Variants in ZNF169 observed in about 807,000 individuals in gnomAD.
ZNF169 encodes the protein zinc finger protein 169.
A neutral mutation model predicts 12.0 loss-of-function variants in ZNF169; 11 were observed. That is an observed-to-expected ratio of 0.92 (90% CI 0.58 to 1.52). ZNF169 has a LOEUF of 1.52. Among genes scored for constraint, ZNF169 ranks in the 40% most tolerant of loss-of-function variants. The pLI is 0.00. For synonymous variants in ZNF169, 302 were observed against 286.5 expected (o/e 1.05, Z -0.55); for missense variants, 722 against 744.0 (o/e 0.97, Z 0.34).
In ZNF169 at chr9:94,301,353, C is replaced by T; in HGVS notation, c.1795C>T (p.Pro599Ser). Residue 599 changes from proline to serine, a missense_variant, in exon 5 of 5, where the codon CCC becomes TCC. Physicochemically the swap from Pro to Ser is moderately conservative, Grantham distance 74 (BLOSUM62 -1). Coordinates refer to ENST00000395395, the MANE Select transcript of ZNF169 (RefSeq NM_194320.4). ...RRTKSGHQLL[P>S]QEVF ...GACCAAGTCTGGTCATCAGCTCCTA[C>T]CCCAAGAGGTCTTCTGACCTTTCCT... 6.2e-7 allele frequency: 1 copy of T among 1,610,924 alleles called. No homozygotes were observed. The highest frequency in any genetic ancestry group is 1.1e-5 in the South Asian group (1 of 90,954).
At chr9:94,268,804 T>G (rs1448545976) in intron 1 of ZNF169, among the ~76,000 whole-genome samples, 1 of 136,720 alleles carries the variant, frequency 7.3e-6, no homozygotes, top group Non-Finnish European at 1.6e-5. Context: ...AAAAAAAAAT[T>G]TCCAAAGACA....
chr9:94,283,577 A>G (rs1283122809), intron 2 of ZNF169, among the ~76,000 whole-genome samples: 1 of 152,196 alleles, frequency 6.6e-6, no homozygotes, highest in Non-Finnish European at 1.5e-5. Flanking sequence ...GTGAGAGAGT[A>G]CTATAGCATT....
At chr9:94,261,275 G>A (rs1159149773) in intron 1 of ZNF169, among the ~76,000 whole-genome samples, 2 of 151,890 alleles carry the variant, frequency 1.3e-5, no homozygotes, top group Non-Finnish European at 2.9e-5. Flanking sequence ...CGCCCGCCTC[G>A]GCCTCCCAAA....
chr9:94,270,760 AAT>A lies in ZNF169; in HGVS notation c.-55-7991_-55-7990del, dbSNP rs1564083387. 1.4e-4 allele frequency among the ~76,000 whole-genome samples: 9 copies of A among 62,836 alleles called. 1 individual carries two copies. Among genetic ancestry groups the A allele is most frequent in the Non-Finnish European group, 3.1e-4 (9 of 29,394 alleles). 41.2% of individuals were successfully genotyped at this position (62,836 alleles called of 152,430 possible). A position where few individuals can be genotyped will look rare whatever the true frequency, so the allele number is the denominator to read the frequency against. On this transcript the variant is annotated intron_variant, in intron 1 of 4. Coordinates refer to ENST00000395395, the MANE Select transcript of ZNF169 (RefSeq NM_194320.4). ...AATTAATGTATTTATATAATATATAAATATATATGTTATATATTATATAAATA... is the reference window on the plus strand; with the variant it reads ...AATTAATGTATTTATATAATATATAAATATATGTTATATATTATATAAATA...
At chr9:94,286,279 C>T (rs1830718361) in intron 2 of ZNF169, among the ~76,000 whole-genome samples, 1 of 152,210 alleles carries the variant, frequency 6.6e-6, no homozygotes, top group African/African-American at 2.4e-5. Context: ...CTGGTTTCCT[C>T]CAGACTTGTC....
chr9:94,265,031 T>TG (rs1309634879), intron 1 of ZNF169, among the ~76,000 whole-genome samples: 20 of 143,170 alleles, frequency 1.4e-4, no homozygotes, highest in Admixed American at 5.5e-4. Context: ...GTTTTTTTTT[T>TG]TTTTTTTTTT....
In ZNF169 at chr9:94,301,504, C is replaced by G; in HGVS notation, c.*134C>G. On this transcript the variant is annotated 3_prime_UTR_variant, in exon 5 of 5. Coordinates refer to ENST00000395395, the MANE Select transcript of ZNF169 (RefSeq NM_194320.4). ...AGATAGTTGATTTTTGGTTTACTTT[C>G]TATATTCACAATTTGTCTTGGCTTG... 1 of 1,427,146 alleles carries G rather than the reference C, an allele frequency of 7.0e-7. No individual in the cohort carries two copies. Among genetic ancestry groups the G allele is most frequent in the East Asian group, 2.5e-5 (1 of 39,656 alleles). The allele number at this position is 1,427,146 out of a possible 1,614,324, so 88.4% of individuals were successfully genotyped here.
At position 94,300,988 on chromosome 9, in the gene ZNF169, A is replaced by G. The variant is rs368785543; in HGVS notation, c.1430A>G (p.Gln477Arg). 2.5e-6 allele frequency: 4 copies of G among 1,613,602 alleles called. No individual in the cohort carries two copies. Among genetic ancestry groups the G allele is most frequent in the East Asian group, 4.5e-5 (2 of 44,824 alleles). ...CAGAAGGTCACCCTCATCAGACACCAGAGGACACACACAGGGGAGAAGCCT... is the reference window on the plus strand; with the variant it reads ...CAGAAGGTCACCCTCATCAGACACCGGAGGACACACACAGGGGAGAAGCCT... ...FGQKVTLIRHQRTHTGEKPYL... is the reference protein window; with the variant it reads ...FGQKVTLIRHRRTHTGEKPYL... The change falls in exon 5 of 5, where the codon CAG becomes CGG. Residue 477 changes from glutamine (Q) to arginine (R), a missense_variant. By Grantham distance (43) the Gln-to-Arg change is conservative. Coordinates refer to ENST00000395395, the MANE Select transcript of ZNF169 (RefSeq NM_194320.4).
chr9:94,280,594 A>C (rs1830611542), intron 2 of ZNF169, among the ~76,000 whole-genome samples: 1 of 152,192 alleles, frequency 6.6e-6, no homozygotes, highest in Non-Finnish European at 1.5e-5. Flanking sequence ...TCAGCAAGGC[A>C]ATTTTTACTT....
intron 4 of ZNF169, 62 bp downstream of exon 4, chr9:94,293,131 A>AG: frequency 7.0e-7 from 1 of 1,427,870 alleles, no homozygotes; most frequent in Non-Finnish European, 9.8e-7. Context: ...CAGGTAAGGA[A>AG]GGAGGGGCTA....
At chr9:94,263,813 C>T (rs1415283942) in intron 1 of ZNF169, among the ~76,000 whole-genome samples, 2 of 149,016 alleles carry the variant, frequency 1.3e-5, no homozygotes, top group Non-Finnish European at 3.0e-5. Context: ...CCTATTTCTG[C>T]CTTCTTTGGG....
chr9:94,282,806 A>C (rs1425113760), intron 2 of ZNF169, among the ~76,000 whole-genome samples: 4 of 152,186 alleles, frequency 2.6e-5, no homozygotes, highest in Admixed American at 2.6e-4. Flanking sequence ...TGGTTTATTT[A>C]GGGGTTCACT....
At chr9:94,273,563 A>T in intron 1 of ZNF169, among the ~76,000 whole-genome samples, 1 of 141,762 alleles carries the variant, frequency 7.1e-6, no homozygotes, top group East Asian at 2.1e-4. Context: ...ATTTAAAGCT[A>T]TAACTTTCTT....
At chr9:94,286,138 C>T (rs184430467) in intron 2 of ZNF169, among the ~76,000 whole-genome samples, 29 of 152,116 alleles carry the variant, frequency 1.9e-4, no homozygotes, top group Admixed American at 3.9e-4. Flanking sequence ...TTGACTAGCC[C>T]CATTAAGACT....
intron 1 of ZNF169, among the ~76,000 whole-genome samples, chr9:94,273,801 G>A (rs956650737): frequency 2.6e-5 from 4 of 151,970 alleles, no homozygotes; most frequent in Admixed American, 1.3e-4. Context: ...GGATGGTCTC[G>A]ATCTCCTGAC....
chr9:94,287,791 C>G lies in ZNF169; in HGVS notation c.34-4550C>G, dbSNP rs568255863. 9.9e-6 allele frequency: 13 copies of G among 1,310,610 alleles called. No individual in the cohort carries two copies. The African/African-American group carries it at 1.7e-4, about 18-fold the overall frequency. 81.2% of individuals were successfully genotyped at this position (1,310,610 alleles called of 1,614,324 possible). On this transcript the variant is annotated intron_variant, in intron 2 of 4. Coordinates refer to ENST00000395395, the MANE Select transcript of ZNF169 (RefSeq NM_194320.4). ...AGAGCTGACAGTGTCAGTTTGATAC[C>G]TGGCTTTAGGGTTTGATTGTATCCT... is the stretch of plus-strand genomic sequence containing the variant.
chr9:94,280,424 G>A (rs1018782020), intron 2 of ZNF169, among the ~76,000 whole-genome samples: 3 of 152,142 alleles, frequency 2.0e-5, no homozygotes, highest in Non-Finnish European at 1.5e-5. Flanking sequence ...TCCACTTCCT[G>A]TGGAATCTTT....
intron 2 of ZNF169, among the ~76,000 whole-genome samples, chr9:94,291,216 G>A (rs1587685930): frequency 2.0e-5 from 3 of 151,824 alleles, no homozygotes; most frequent in African/African-American, 7.2e-5. Context: ...ACCATGCCCA[G>A]CTAATTTTTG....
chr9:94,281,849 G>A (rs1830645649), intron 2 of ZNF169, among the ~76,000 whole-genome samples: 1 of 152,204 alleles, frequency 6.6e-6, no homozygotes, highest in African/African-American at 2.4e-5. Context: ...TAAGATAAAG[G>A]ATTGTGGAGA....
Sources: allele counts gnomAD v4.1 joint callset (sites outside exome capture counted in the v4.1 genomes callset), GRCh38; gene constraint gnomAD v4.1.1; transcripts MANE v1.5; gene names NCBI Gene and HGNC (gene_info 2026-07-23, HGNC 2026-07-21).